Variants in FAM135B observed in about 807,000 individuals in gnomAD.
FAM135B encodes the protein protein FAM135B.
FAM135B carries 43 observed loss-of-function variants against 127.7 expected under a neutral mutation model. That is an observed-to-expected ratio of 0.34 (90% CI 0.26 to 0.43). FAM135B has a LOEUF of 0.43. FAM135B is among the 20% of genes least tolerant of loss of function. The probability of loss-of-function intolerance (pLI) is 1.00; values close to 1 mark genes in which losing one functional copy is unlikely to be tolerated. For synonymous variants in FAM135B, 670 were observed against 665.1 expected (o/e 1.01, Z -0.11); for missense variants, 1,558 against 1,725.6 (o/e 0.90, Z 1.72).
At chr8:138,136,757 C>T (rs1816699553) in intron 19 of FAM135B, among the ~76,000 whole-genome samples, 1 of 152,158 alleles carries the variant, frequency 6.6e-6, no homozygotes, top group Non-Finnish European at 1.5e-5. Context: ...TTCTGGGCTG[C>T]CTTAATGCCT....
chr8:138,257,571 A>AGGTCAAC (rs1454457158), intron 4 of FAM135B, among the ~76,000 whole-genome samples: 1 of 152,110 alleles, frequency 6.6e-6, no homozygotes, highest in Non-Finnish European at 1.5e-5. Context: ...CTCTACTCAG[A>AGGTCAAC]GGTCAACCCA....
intron 1 of FAM135B, among the ~76,000 whole-genome samples, chr8:138,414,671 T>C (rs1519395): frequency 0.087 from 13,246 of 152,126 alleles, 991 homozygotes; most frequent in East Asian, 0.26. Flanking sequence ...TTCCCCACTC[T>C]TCAACCTAAA....
intron 4 of FAM135B, among the ~76,000 whole-genome samples, chr8:138,259,943 T>A (rs1343768447): frequency 6.6e-6 from 1 of 152,204 alleles, no homozygotes; most frequent in Admixed American, 6.5e-5. Flanking sequence ...TTGGAAGGCC[T>A]GAGAGTTTGC....
chr8:138,224,275 T>C (rs1358385921), intron 7 of FAM135B, among the ~76,000 whole-genome samples: 1 of 152,138 alleles, frequency 6.6e-6, no homozygotes, highest in African/African-American at 2.4e-5. Flanking sequence ...TTGACAGCAC[T>C]CTGTAGTTAG....
rs1330919832 is a variant in FAM135B, at chr8:138,152,746, C to T, written c.1729G>A (p.Glu577Lys). 1 of 1,614,202 alleles carries T rather than the reference C, an allele frequency of 6.2e-7. No homozygotes were observed. Among genetic ancestry groups the T allele is most frequent in the South Asian group, 1.1e-5 (1 of 91,082 alleles). Residue 577 changes from glutamate (E) to lysine (K), a missense_variant, in exon 13 of 20, where the codon GAG becomes AAG. Coordinates refer to ENST00000395297, the MANE Select transcript of FAM135B (RefSeq NM_015912.4). ...TACTTATCTCTAGAGCTCCTACTCTCATGCTGAGCATTGAAGGCCACCAGG... is the reference window on the plus strand; with the variant it reads ...TACTTATCTCTAGAGCTCCTACTCTTATGCTGAGCATTGAAGGCCACCAGG... ...EPLVAFNAQHESRSSRDKYGL... is the reference protein window; with the variant it reads ...EPLVAFNAQHKSRSSRDKYGL...
intron 16 of FAM135B, 124 bp downstream of exon 16, chr8:138,142,888 A>C (rs1312727870): frequency 5.0e-6 from 3 of 604,056 alleles, no homozygotes; most frequent in Admixed American, 5.9e-5. Flanking sequence ...TAATTTATTA[A>C]AAGTCACAAG....
chr8:138,409,998 T>G lies in FAM135B; in HGVS notation c.-19-41996A>C, dbSNP rs1268753375. On this transcript the variant is annotated intron_variant, in intron 1 of 19. Coordinates refer to ENST00000395297, the MANE Select transcript of FAM135B (RefSeq NM_015912.4). The stretch of plus-strand genomic sequence containing the variant: ...CAAAGTTCAGCTTCAGGGCCCACAT[T>G]CTAAACTGTCATTGCATTGCCTTTC... Among the ~76,000 whole-genome samples, 4 of 151,974 alleles carry G rather than the reference T, an allele frequency of 2.6e-5. No homozygotes were observed. In the South Asian group the frequency reaches 6.2e-4, roughly 24 times the overall value.
intron 2 of FAM135B, among the ~76,000 whole-genome samples, chr8:138,339,355 CTAAATATA>C (rs1265074187): frequency 6.4e-5 from 1 of 15,616 alleles, no homozygotes; most frequent in Non-Finnish European, 1.5e-4. Flanking sequence ...AAAAAACTAA[CTAAATATA>C]TATATATATA....
intron 1 of FAM135B, among the ~76,000 whole-genome samples, chr8:138,405,278 G>A (rs1260617193): frequency 1.3e-5 from 2 of 149,950 alleles, no homozygotes; most frequent in Non-Finnish European, 3.0e-5. Flanking sequence ...GTGCAGGTTA[G>A]TTACATATGT....
At chr8:138,443,846 C>A (rs1405791976) in intron 1 of FAM135B, among the ~76,000 whole-genome samples, 1 of 152,108 alleles carries the variant, frequency 6.6e-6, no homozygotes, top group African/African-American at 2.4e-5. Flanking sequence ...AATTAAAAGA[C>A]ACAGACTGGC....
At chr8:138,299,920 A>G (rs1475872158) in intron 3 of FAM135B, among the ~76,000 whole-genome samples, 1 of 152,166 alleles carries the variant, frequency 6.6e-6, no homozygotes, top group Non-Finnish European at 1.5e-5. Flanking sequence ...GTATATTTTA[A>G]TATAATTGCT....
rs1278717445 is a variant in FAM135B, at chr8:138,351,681, ATC to A, written c.77+16224_77+16225del. ...ACAAATTCCTACATGCTTAGGGCAG[ATC>A]TTTTTTTTTTTTTTTTTTTTTTTTA... On this transcript the variant is annotated intron_variant, in intron 2 of 19. Coordinates refer to ENST00000395297, the MANE Select transcript of FAM135B (RefSeq NM_015912.4). Among the ~76,000 whole-genome samples, 7 of 142,714 alleles carry A rather than the reference ATC, an allele frequency of 4.9e-5. No homozygotes were observed. In the Admixed American group the frequency reaches 4.9e-4, roughly 10 times the overall value. The allele number at this position is 142,714 out of a possible 152,430, so 93.6% of individuals were successfully genotyped here.
intron 2 of FAM135B, among the ~76,000 whole-genome samples, chr8:138,314,630 G>A (rs1180318202): frequency 3.3e-5 from 5 of 151,274 alleles, no homozygotes; most frequent in Non-Finnish European, 5.9e-5. Context: ...CAGCACTTTC[G>A]GAGGCCGAGG....
At chr8:138,411,814 A>T (rs73432157) in intron 1 of FAM135B, among the ~76,000 whole-genome samples, 8,664 of 152,246 alleles carry the variant, frequency 0.057, 371 homozygotes, top group East Asian at 0.2. Flanking sequence ...ACATAGAGTC[A>T]TCCTAGGTGC....
At chr8:138,342,420 A>G (rs1829115006) in intron 2 of FAM135B, among the ~76,000 whole-genome samples, 1 of 152,210 alleles carries the variant, frequency 6.6e-6, no homozygotes, top group Non-Finnish European at 1.5e-5. Flanking sequence ...AGGCAGCTGC[A>G]AAGGCAGAAG....
intron 3 of FAM135B, among the ~76,000 whole-genome samples, chr8:138,270,189 G>A (rs1203701827): frequency 2.6e-5 from 4 of 152,112 alleles, no homozygotes; most frequent in African/African-American, 4.8e-5. Flanking sequence ...AGGGCAAGTG[G>A]AAAAATATGG....
rs1816284920 is a variant in FAM135B, at chr8:138,132,451, C to A, written c.*142G>T. ...TCGAATCTCCAAAACAAAAGCACCT[C>A]TCATGTCAGGTTCCACCCGAGCCTC... is the stretch of plus-strand genomic sequence containing the variant. On this transcript the variant is annotated 3_prime_UTR_variant, in exon 20 of 20. Transcript: ENST00000395297. The surrounding 1 kb of genome is among the most constrained non-coding windows in gnomAD (Gnocchi z 4.5). The A allele has an allele frequency of 1.6e-5, 11 of 688,992 alleles. No homozygotes were observed. Among genetic ancestry groups the A allele is most frequent in the Non-Finnish European group, 2.5e-5 (10 of 396,370 alleles). The allele number at this position is 688,992 out of a possible 1,614,324, so 42.7% of individuals were successfully genotyped here.
At chr8:138,337,156 G>T (rs1218249279) in intron 2 of FAM135B, among the ~76,000 whole-genome samples, 2 of 152,002 alleles carry the variant, frequency 1.3e-5, no homozygotes, top group African/African-American at 4.8e-5. Context: ...ATATCATACT[G>T]AATGGGCAAA....
At position 138,243,387 on chromosome 8, in the gene FAM135B, G is replaced by T. The variant is rs1026380843; in HGVS notation, c.543-319C>A. ...CAAGCTTATATCACTAGAGGGGAAGGTGGCATGGGCTCCGAAAATTTCAGG... is the reference window on the plus strand; with the variant it reads ...CAAGCTTATATCACTAGAGGGGAAGTTGGCATGGGCTCCGAAAATTTCAGG... On this transcript the variant is annotated intron_variant, in intron 6 of 19. Coordinates refer to ENST00000395297, the MANE Select transcript of FAM135B (RefSeq NM_015912.4). The surrounding 1 kb of genome is among the most constrained non-coding windows in gnomAD (Gnocchi z 7.5). Among the ~76,000 whole-genome samples, 3 of 152,204 alleles carry T rather than the reference G, an allele frequency of 2.0e-5. No homozygotes were observed. The highest frequency in any genetic ancestry group is 1.3e-4 in the Admixed American group (2 of 15,280).
Sources: allele counts gnomAD v4.1 joint callset (sites outside exome capture counted in the v4.1 genomes callset), GRCh38; gene constraint gnomAD v4.1.1; non-coding constraint Gnocchi (gnomAD v3.1); transcripts MANE v1.5; gene names NCBI Gene and HGNC (gene_info 2026-07-23, HGNC 2026-07-21).